ESRRB: variants seen among roughly 807,000 people sequenced by gnomAD.
ESRRB encodes the protein estrogen related receptor beta.
ESRRB carries 16 observed loss-of-function variants against 46.0 expected under a neutral mutation model. The ratio of observed to expected loss-of-function variants is 0.35; its 90% CI spans 0.24 to 0.53. The LOEUF is 0.53. ESRRB is among the 20% of genes least tolerant of loss of function. ESRRB has a pLI of 0.93. For missense variants in ESRRB, 488 were observed against 607.4 expected, an observed-to-expected ratio of 0.80 and a Z score of 2.07; for synonymous variants, 246 against 259.6, an observed-to-expected ratio of 0.95 and a Z score of 0.50.
rs765340839 is a variant in ESRRB, at chr14:76,500,041, C to T, written c.*1583C>T. 2.6e-6 allele frequency: 4 copies of T among 1,554,272 alleles called. No individual in the cohort carries two copies. Among genetic ancestry groups the T allele is most frequent in the Non-Finnish European group, 2.6e-6 (3 of 1,148,172 alleles). On this transcript the variant is annotated 3_prime_UTR_variant, in exon 7 of 7. Transcript: ENST00000644823. ...AATGAGAGAGGCAGGCAGATCTCAC[C>T]CAGCACTAGGACACCAGGAGGCCAG...
chr14:76,329,659 C>G (rs1420787971), intron 1 of ESRRB, among the ~76,000 whole-genome samples: 1 of 152,154 alleles, frequency 6.6e-6, no homozygotes. Context: ...ACTCCCCCCA[C>G]CACCCTTGTG....
At chr14:76,383,120 A>T (rs1213509688) in intron 1 of ESRRB, among the ~76,000 whole-genome samples, 1 of 152,210 alleles carries the variant, frequency 6.6e-6, no homozygotes, top group Non-Finnish European at 1.5e-5. Flanking sequence ...CTTGTGCCTG[A>T]CCATTGGTGT....
At chr14:76,345,674 C>T (rs1036110860) in intron 1 of ESRRB, among the ~76,000 whole-genome samples, 1 of 152,206 alleles carries the variant, frequency 6.6e-6, no homozygotes, top group South Asian at 2.1e-4. Flanking sequence ...CCAATTTGAT[C>T]CAGCAGTCCC....
At chr14:76,388,259 C>T (rs60006407) in intron 1 of ESRRB, among the ~76,000 whole-genome samples, 5,740 of 148,908 alleles carry the variant, frequency 0.039, 154 homozygotes, top group East Asian at 0.13. Flanking sequence ...GCTCACTGCG[C>T]GCTCTGCCTC....
At chr14:76,452,653 C>CAAAAAAAAA (rs57333539) in intron 2 of ESRRB, among the ~76,000 whole-genome samples, 1 of 120,804 alleles carries the variant, frequency 8.3e-6, no homozygotes, top group East Asian at 2.7e-4. Context: ...CAAAACAAAA[C>CAAAAAAAAA]AAAAAAAAAG....
chr14:76,358,922 G>C (rs1411022676), intron 1 of ESRRB, among the ~76,000 whole-genome samples: 2 of 152,202 alleles, frequency 1.3e-5, no homozygotes, highest in African/African-American at 4.8e-5. Context: ...AACACAGATT[G>C]CTGGTCCCCA....
chr14:76,450,800 C>G (rs1378515489), intron 2 of ESRRB, among the ~76,000 whole-genome samples: 1 of 152,158 alleles, frequency 6.6e-6, no homozygotes, highest in Admixed American at 6.5e-5. Flanking sequence ...GAGTCAGGAG[C>G]TAGGTGCTGG....
chr14:76,352,011 C>CAAAAAAAAAAAAAAAAAA (rs1884319857), intron 1 of ESRRB, among the ~76,000 whole-genome samples: 36 of 109,030 alleles, frequency 3.3e-4, no homozygotes, highest in East Asian at 4.8e-4. Flanking sequence ...AAAAAAAAAG[C>CAAAAAAAAAAAAAAAAAA]AAACTCCAAG....
rs543774953 is a variant in ESRRB, at chr14:76,465,702, C to A, written c.577+3041C>A. ...AGGGTGGCAGCTGGGGCCTCCCAGGCAGACATGCTCGGCTCGAAAAGGCCC... is the reference window on the plus strand; with the variant it reads ...AGGGTGGCAGCTGGGGCCTCCCAGGAAGACATGCTCGGCTCGAAAAGGCCC... On this transcript the variant is annotated intron_variant, in intron 3 of 6. Coordinates refer to ENST00000644823, the MANE Select transcript of ESRRB (RefSeq NM_001379180.1). Among the ~76,000 whole-genome samples, 5 of 152,336 alleles carry A rather than the reference C, an allele frequency of 3.3e-5. 1 individual carries two copies. In the South Asian group the frequency reaches 1.0e-3, roughly 32 times the overall value.
intron 1 of ESRRB, among the ~76,000 whole-genome samples, chr14:76,422,206 C>CTTTTTTTT (rs552738537): frequency 7.4e-5 from 7 of 94,772 alleles, no homozygotes; most frequent in Non-Finnish European, 7.6e-5. Flanking sequence ...ACATTTCCTT[C>CTTTTTTTT]TTTTTTTTTT....
At chr14:76,389,537 C>T (rs149763193) in intron 1 of ESRRB, among the ~76,000 whole-genome samples, 43 of 152,276 alleles carry the variant, frequency 2.8e-4, no homozygotes, top group Non-Finnish European at 5.3e-4. Flanking sequence ...ACTGGTTCTG[C>T]CACATTTTTG....
At chr14:76,492,849 C>A (rs1266962218) in intron 6 of ESRRB, among the ~76,000 whole-genome samples, 3 of 152,194 alleles carry the variant, frequency 2.0e-5, no homozygotes, top group Non-Finnish European at 4.4e-5. Context: ...AGTAAGTGAA[C>A]TTGAATGTAA....
intron 1 of ESRRB, among the ~76,000 whole-genome samples, chr14:76,351,745 C>G (rs1884315378): frequency 6.6e-6 from 1 of 152,050 alleles, no homozygotes; most frequent in Non-Finnish European, 1.5e-5. Flanking sequence ...GAGCATATGA[C>G]CTCTTCTCAC....
intron 2 of ESRRB, among the ~76,000 whole-genome samples, chr14:76,455,500 C>A (rs773587155): frequency 8.5e-5 from 13 of 152,076 alleles, no homozygotes; most frequent in African/African-American, 3.1e-4. Flanking sequence ...TTCTATTTTG[C>A]CTGTTGCCAT....
chr14:76,321,965 C>T (rs545982731), intron 1 of ESRRB, among the ~76,000 whole-genome samples: 1 of 152,144 alleles, frequency 6.6e-6, no homozygotes, highest in South Asian at 2.1e-4. Context: ...TGCTTAAGGC[C>T]ACCCAGGCAG....
intron 1 of ESRRB, among the ~76,000 whole-genome samples, chr14:76,344,582 G>T (rs1438074221): frequency 6.6e-6 from 1 of 152,180 alleles, no homozygotes; most frequent in Non-Finnish European, 1.5e-5. Context: ...TGGGCGTGGT[G>T]GCTCATGCCT....
intron 2 of ESRRB, among the ~76,000 whole-genome samples, chr14:76,461,613 A>G (rs530460588): frequency 1.3e-5 from 2 of 152,236 alleles, no homozygotes; most frequent in South Asian, 4.2e-4. Flanking sequence ...GGTTCAAGCA[A>G]TTCTCCTATC....
At chr14:76,378,619 C>T (rs542027082) in intron 1 of ESRRB, among the ~76,000 whole-genome samples, 14 of 152,144 alleles carry the variant, frequency 9.2e-5, no homozygotes, top group Non-Finnish European at 1.8e-4. Flanking sequence ...GCCCAGGACC[C>T]ACTGGGCAGC....
intron 1 of ESRRB, among the ~76,000 whole-genome samples, chr14:76,332,567 ATAT>A (rs1566853038): frequency 5.6e-5 from 3 of 53,712 alleles, no homozygotes; most frequent in Admixed American, 4.1e-4. Flanking sequence ...ATATATTTAT[ATAT>A]TTATATATTA....
Sources: allele counts gnomAD v4.1 joint callset (sites outside exome capture counted in the v4.1 genomes callset), GRCh38; gene constraint gnomAD v4.1.1; transcripts MANE v1.5; gene names NCBI Gene and HGNC (gene_info 2026-07-23, HGNC 2026-07-21).